RBMXL1: variants seen among roughly 807,000 people sequenced by gnomAD.
RBMXL1 encodes RBMX like 1.
RBMXL1 carries 18 observed loss-of-function variants against 29.0 expected under a neutral mutation model. That is an observed-to-expected ratio of 0.62 (90% CI 0.43 to 0.92). The LOEUF (loss-of-function observed/expected upper bound fraction) is 0.92, where lower values mean the gene tolerates loss of function less well. RBMXL1 is among the 40% of genes least tolerant of loss of function. The pLI is 0.00. For synonymous variants in RBMXL1, 141 were observed against 170.4 expected (o/e 0.83, Z 1.34); for missense variants, 403 against 495.8 (o/e 0.81, Z 1.78).
At chr1:88,992,550 AGCGCC>A (rs931873279) in intron 1 of RBMXL1, 30 bp downstream of exon 1, 4 of 152,600 alleles carry the variant, frequency 2.6e-5, no homozygotes, top group African/African-American at 4.8e-5. Context: ...TCCGCACGGA[AGCGCC>A]GCGCCGCGCC....
chr1:88,982,835 C>T lies in RBMXL1; in HGVS notation c.992G>A (p.Arg331Gln), dbSNP rs549912567. 34 of 1,613,976 alleles carry T rather than the reference C, an allele frequency of 2.1e-5. No homozygotes were observed. The highest frequency in any genetic ancestry group is 1.7e-4 in the Middle Eastern group (1 of 6,056). The change falls in exon 3 of 3, where the codon CGA becomes CAA. Residue 331 changes from arginine (R) to glutamine (Q), a missense_variant. By Grantham distance (43) the Arg-to-Gln change is conservative. Coordinates refer to ENST00000652648, the MANE Select transcript of RBMXL1 (RefSeq NM_001162536.3). ...GTCACAACTTGAGTAGAGATCACTT[C>T]GGCTGCTTGAGTAACTGTCTCGACT... The part of the protein sequence containing the change: ...GGSRDSYSSS[R>Q]SDLYSSCDRV...
rs371300917 is a variant in RBMXL1 at position 88,983,840 on chromosome 1, G to A, written c.-14C>T. 20 of 1,413,634 alleles carry A rather than the reference G, an allele frequency of 1.4e-5. No homozygotes were observed. Among genetic ancestry groups the A allele is most frequent in the Admixed American group, 1.3e-4 (7 of 52,808 alleles). The allele number at this position is 1,413,634 out of a possible 1,614,324, so 87.6% of individuals were successfully genotyped here. A position where few individuals can be genotyped will look rare whatever the true frequency, so the allele number is the denominator to read the frequency against. On this transcript the variant is annotated 5_prime_UTR_variant, in exon 3 of 3. Transcript: ENST00000652648. ...TGCTTCAACCATTTTTTTTTTTGCC[G>A]GTGAGTCGGAGGGGTGACAGTGGGT...
chr1:88,983,483 C>A lies in RBMXL1; in HGVS notation c.344G>T (p.Gly115Val), dbSNP rs188423617. Residue 115 changes from glycine (G) to valine (V), a missense_variant, in exon 3 of 3, where the codon GGA (glycine) becomes GTA (valine). Coordinates refer to ENST00000652648, the MANE Select transcript of RBMXL1 (RefSeq NM_001162536.3). ...AGGAGGTCCCCTGGTTCCTCCACTTCCTCCTCTTCCAGCTCCAAAACCTCT... is the reference window on the plus strand; with the variant it reads ...AGGAGGTCCCCTGGTTCCTCCACTTACTCCTCTTCCAGCTCCAAAACCTCT... ...PPRGFGAGRGGSGGTRGPPSR... is the reference protein window; with the variant it reads ...PPRGFGAGRGVSGGTRGPPSR... 7 of 1,614,160 alleles carry A rather than the reference C, an allele frequency of 4.3e-6. No homozygotes were observed. The highest frequency in any genetic ancestry group is 2.2e-5 in the East Asian group (1 of 44,876).
chr1:88,988,436 C>A, intron 1 of RBMXL1, 85 bp from the exon 2 acceptor site: 2 of 703,886 alleles, frequency 2.8e-6, no homozygotes, highest in Admixed American at 2.9e-5. Flanking sequence ...GCTGATGTAT[C>A]ATAAGCTTAC....
Position 88,980,326 on chromosome 1 carries a change from C to T in RBMXL1, c.*2328G>A, listed in dbSNP as rs959825261. 7.2e-5 allele frequency: 11 copies of T among 152,704 alleles called. No homozygotes were observed. Among genetic ancestry groups the T allele is most frequent in the Admixed American group, 2.6e-4 (4 of 15,296 alleles). 9.5% of individuals were successfully genotyped at this position (152,704 alleles called of 1,614,324 possible). On this transcript the variant is annotated 3_prime_UTR_variant, in exon 3 of 3. Transcript: ENST00000652648. ...ACTTGATAAAGCTGAATTTAAAAAG[C>T]TGCCAGAGTATTCTGAAATCATGCC... is the stretch of plus-strand genomic sequence containing the variant.
chr1:88,988,975 T>C (rs1025939410), intron 1 of RBMXL1, among the ~76,000 whole-genome samples: 7 of 152,200 alleles, frequency 4.6e-5, no homozygotes, highest in African/African-American at 1.7e-4. Flanking sequence ...CCTGTAAGTA[T>C]AAAATTGATA....
At chr1:88,992,205 C>G (rs879306346) in intron 1 of RBMXL1, among the ~76,000 whole-genome samples, 8 of 152,270 alleles carry the variant, frequency 5.3e-5, no homozygotes, top group Admixed American at 5.2e-4. Context: ...GTCTCGATCT[C>G]CTGACCTCGT....
At chr1:88,987,335 T>A (rs1281633847) in intron 2 of RBMXL1, among the ~76,000 whole-genome samples, 1 of 152,150 alleles carries the variant, frequency 6.6e-6, no homozygotes, top group Non-Finnish European at 1.5e-5. Context: ...AAAAAGGTGG[T>A]CACGGTGGCA....
At position 88,983,480 on chromosome 1, in the gene RBMXL1, C is replaced by A. The variant is rs1203147983; in HGVS notation, c.347G>T (p.Ser116Ile). ...PRGFGAGRGG[S>I]GGTRGPPSRG... Reference sequence around the variant, plus strand: ...TGAAGGAGGTCCCCTGGTTCCTCCACTTCCTCCTCTTCCAGCTCCAAAACC... The same window carrying A: ...TGAAGGAGGTCCCCTGGTTCCTCCAATTCCTCCTCTTCCAGCTCCAAAACC... Residue 116 changes from serine (S) to isoleucine (I), a missense_variant, in exon 3 of 3, where the codon AGT (serine) becomes ATT (isoleucine). By Grantham distance (142) the Ser-to-Ile change is moderately radical. Coordinates refer to ENST00000652648, the MANE Select transcript of RBMXL1 (RefSeq NM_001162536.3). 3.1e-6 allele frequency: 5 copies of A among 1,614,154 alleles called. No homozygotes were observed. In the South Asian group the frequency reaches 4.4e-5, roughly 14 times the overall value.
At chr1:88,992,370 G>C (rs913181367) in intron 1 of RBMXL1, among the ~76,000 whole-genome samples, 8 of 152,246 alleles carry the variant, frequency 5.3e-5, no homozygotes, top group African/African-American at 1.4e-4. Context: ...CGGTGACCCG[G>C]GTCTAGGGGA....
Position 88,982,718 on chromosome 1 carries a change from G to A in RBMXL1, c.1109C>T (p.Ala370Val), listed in dbSNP as rs1221129820. The A allele has an allele frequency of 4.3e-6, 7 of 1,613,780 alleles. No individual in the cohort carries two copies. The highest frequency in any genetic ancestry group is 5.9e-6 in the Non-Finnish European group (7 of 1,179,862). ...TCCTCCAGGGCCAGCACCTCTTGGT[G>A]CTCCGCGGCTTGAACTGCTGTAGGA... is the stretch of plus-strand genomic sequence containing the variant. ...RDSYSSSSRG[A>V]PRGAGPGGSR... is the part of the protein sequence containing the mutation. The change falls in exon 3 of 3, where the codon GCA becomes GTA. Residue 370 changes from alanine (A) to valine (V), a missense_variant. By Grantham distance (64) the Ala-to-Val change is moderately conservative. Transcript: ENST00000652648.
chr1:88,984,574 G>T (rs955339690), intron 2 of RBMXL1, among the ~76,000 whole-genome samples: 46 of 152,342 alleles, frequency 3.0e-4, no homozygotes, highest in African/African-American at 1.1e-3. Flanking sequence ...ATTTGTGCCT[G>T]ATACGCTGTA....
At chr1:88,990,026 C>T (rs571992801) in intron 1 of RBMXL1, among the ~76,000 whole-genome samples, 1 of 152,174 alleles carries the variant, frequency 6.6e-6, no homozygotes, top group East Asian at 1.9e-4. Context: ...TAAATTTTTC[C>T]CACACTCCTT....
chr1:88,991,871 T>C (rs1677816420), intron 1 of RBMXL1, among the ~76,000 whole-genome samples: 2 of 152,244 alleles, frequency 1.3e-5, no homozygotes, highest in South Asian at 4.1e-4. Context: ...AGGAAGGATT[T>C]CTGCGCCACT....
chr1:88,992,358 G>C (rs1239148976), intron 1 of RBMXL1, among the ~76,000 whole-genome samples: 1 of 152,246 alleles, frequency 6.6e-6, no homozygotes, highest in African/African-American at 2.4e-5. Flanking sequence ...AAAGCGCCAA[G>C]ACGGTGACCC....
chr1:88,986,010 G>A (rs1286432779), intron 2 of RBMXL1, among the ~76,000 whole-genome samples: 1 of 151,882 alleles, frequency 6.6e-6, no homozygotes, highest in Non-Finnish European at 1.5e-5. Context: ...GCAAAACCCC[G>A]TCTCTACAAA....
In RBMXL1 at chr1:88,983,527, T is replaced by G; in HGVS notation, c.300A>C (p.Pro100=). ...ERGRHGPPPP[P]RSRGPPRGFG... ...AACCTCTTGGAGGACCTCTACTTCTTGGAGGTGGGGGCGGTCCATGTCTAC... is the reference window on the plus strand; with the variant it reads ...AACCTCTTGGAGGACCTCTACTTCTGGGAGGTGGGGGCGGTCCATGTCTAC... Residue 100 remains proline, a synonymous_variant, in exon 3 of 3, where the codon CCA becomes CCC. Coordinates refer to ENST00000652648, the MANE Select transcript of RBMXL1 (RefSeq NM_001162536.3). The G allele has an allele frequency of 6.2e-7, 1 of 1,614,200 alleles. No individual in the cohort carries two copies. The highest frequency in any genetic ancestry group is 8.5e-7 in the Non-Finnish European group (1 of 1,180,032).
At chr1:88,987,133 C>T (rs930359024) in intron 2 of RBMXL1, among the ~76,000 whole-genome samples, 1 of 152,174 alleles carries the variant, frequency 6.6e-6, no homozygotes, top group Non-Finnish European at 1.5e-5. Flanking sequence ...AAAGATTTTT[C>T]AAAATACATT....
At position 88,988,281 on chromosome 1, in the gene RBMXL1, A is replaced by G; in HGVS notation, c.-270T>C. The G allele has an allele frequency of 6.2e-7, 1 of 1,613,638 alleles. No homozygotes were observed. The highest frequency in any genetic ancestry group is 8.5e-7 in the Non-Finnish European group (1 of 1,179,600). Reference sequence around the variant, plus strand: ...GAAGTAGAGAATCCGAGGATTTTGGAAGAAGAAATTGTCTTCAGGAATTTT... The same window carrying G: ...GAAGTAGAGAATCCGAGGATTTTGGGAGAAGAAATTGTCTTCAGGAATTTT... On this transcript the variant is annotated 5_prime_UTR_variant, in exon 2 of 3. Coordinates refer to ENST00000652648, the MANE Select transcript of RBMXL1 (RefSeq NM_001162536.3).
Sources: gnomAD v4.1 joint callset for allele counts (sites outside exome capture counted in the v4.1 genomes callset) on GRCh38, gnomAD v4.1.1 for gene constraint, MANE v1.5 for transcripts, NCBI Gene and HGNC (gene_info 2026-07-23, HGNC 2026-07-21) for gene names.